The following SORT1 variants were observed in gnomAD, a reference collection of about 807,000 sequenced individuals.
SORT1 encodes the protein sortilin.
A neutral mutation model predicts 101.7 loss-of-function variants in SORT1; 39 were observed. The observed-to-expected ratio is 0.38, with a 90% CI of 0.30 to 0.50. The LOEUF (loss-of-function observed/expected upper bound fraction) is 0.50, where lower values mean the gene tolerates loss of function less well. SORT1 is among the 20% of genes least tolerant of loss of function. The pLI, the probability that SORT1 is intolerant of heterozygous loss-of-function variation, is 0.90. For missense variants in SORT1, 878 were observed against 1,040.4 expected (o/e 0.84, Z 2.15); for synonymous variants, 396 against 393.7 (o/e 1.01, Z -0.07).
At chr1:109,378,645 T>C (rs1486196671) in intron 1 of SORT1, among the ~76,000 whole-genome samples, 1 of 137,960 alleles carries the variant, frequency 7.2e-6, no homozygotes, top group Admixed American at 7.6e-5. Flanking sequence ...ATGAATCATA[T>C]AAAAACATCT....
chr1:109,334,008 T>C (rs1278914591), intron 11 of SORT1, among the ~76,000 whole-genome samples: 1 of 152,058 alleles, frequency 6.6e-6, no homozygotes, highest in Non-Finnish European at 1.5e-5. Context: ...TAGCCGGGCG[T>C]GGTGGCACAT....
At chr1:109,376,048 A>G (rs1401148337) in intron 1 of SORT1, among the ~76,000 whole-genome samples, 1 of 152,228 alleles carries the variant, frequency 6.6e-6, no homozygotes, top group Non-Finnish European at 1.5e-5. Flanking sequence ...GAGATTTCTC[A>G]AAGAACTTAA....
At chr1:109,368,469 C>CA (rs1238475954) in intron 2 of SORT1, 4 of 152,120 alleles carry the variant, frequency 2.6e-5, no homozygotes, top group African/African-American at 9.7e-5. Context: ...TGCTTTTCAG[C>CA]ACCAAGATTT....
At chr1:109,348,408 CAT>C (rs1277782637) in intron 6 of SORT1, among the ~76,000 whole-genome samples, 45 of 150,470 alleles carry the variant, frequency 3.0e-4, no homozygotes, top group African/African-American at 9.8e-4. Context: ...AAAAAAAAAA[CAT>C]GTTACAAAAG....
intron 17 of SORT1, 138 bp downstream of exon 17, chr1:109,316,712 C>T (rs1328909391): frequency 1.2e-5 from 7 of 585,276 alleles, no homozygotes; most frequent in Non-Finnish European, 2.1e-5. Context: ...CTAACAGCTT[C>T]CTGTATAAGG....
intron 19 of SORT1, 23 bp downstream of exon 19, chr1:109,314,238 C>T (rs1658902524): frequency 5.0e-6 from 8 of 1,607,094 alleles, no homozygotes; most frequent in Non-Finnish European, 6.8e-6. Context: ...GGGGTACTAC[C>T]ATTCAAGAAG....
chr1:109,370,458 TA>T (rs1264581805), intron 1 of SORT1, among the ~76,000 whole-genome samples: 3 of 151,732 alleles, frequency 2.0e-5, no homozygotes, highest in Admixed American at 6.6e-5. Context: ...TTGTAACTGA[TA>T]AAAAAAATAA....
chr1:109,323,690 A>G (rs1206613627), intron 14 of SORT1, among the ~76,000 whole-genome samples: 4 of 152,222 alleles, frequency 2.6e-5, no homozygotes, highest in Admixed American at 6.5e-5. Flanking sequence ...ATGTCGTATC[A>G]TCTACTGGAA....
intron 11 of SORT1, among the ~76,000 whole-genome samples, chr1:109,333,585 A>T (rs2101566275): frequency 6.6e-6 from 1 of 152,336 alleles, no homozygotes; most frequent in South Asian, 2.1e-4. Context: ...AAAAATGGGC[A>T]AAGGACCTGA....
intron 15 of SORT1, 50 bp downstream of exon 15, chr1:109,322,882 C>T (rs1359742078): frequency 1.4e-6 from 2 of 1,475,742 alleles, no homozygotes; most frequent in African/African-American, 1.4e-5. Flanking sequence ...CTGTCTTTCA[C>T]CTCCTCCAAC....
At chr1:109,376,284 T>TC (rs1290188030) in intron 1 of SORT1, among the ~76,000 whole-genome samples, 2 of 141,394 alleles carry the variant, frequency 1.4e-5, no homozygotes, top group Non-Finnish European at 3.0e-5. Flanking sequence ...TGAGCCGTGA[T>TC]CGCGCCACCG....
rs72646553 is a variant in SORT1, at chr1:109,397,881, G to A, written c.12C>T (p.Pro4=). The change falls in exon 1 of 20, where the codon CCC becomes CCT. Residue 4 remains proline, a synonymous_variant. Transcript: ENST00000256637. The part of the protein sequence containing the change: MER[P]WGAADGLSRW... ...GCGAGAGGCCGTCCGCAGCTCCCCA[G>A]GGCCGCTCCATCGCCGCCGAATGCC... 6.7e-6 allele frequency: 8 copies of A among 1,198,778 alleles called. No individual in the cohort carries two copies. Among genetic ancestry groups the A allele is most frequent in the Non-Finnish European group, 8.3e-6 (8 of 964,672 alleles). The allele number at this position is 1,198,778 out of a possible 1,614,324, so 74.3% of individuals were successfully genotyped here. A position where few individuals can be genotyped will look rare whatever the true frequency, so the allele number is the denominator to read the frequency against.
chr1:109,386,755 T>A (rs1208184477), intron 1 of SORT1, among the ~76,000 whole-genome samples: 2 of 152,198 alleles, frequency 1.3e-5, no homozygotes, highest in South Asian at 2.1e-4. Flanking sequence ...TCCATCAACA[T>A]TCTGGTCCGC....
rs1162488159 is a variant in SORT1 at position 109,312,031 on chromosome 1, T to A, written c.*2012A>T. On this transcript the variant is annotated 3_prime_UTR_variant, in exon 20 of 20. Coordinates refer to ENST00000256637, the MANE Select transcript of SORT1 (RefSeq NM_002959.7). ...ATATCATTAAAAGCGAAGAGCCCTA[T>A]CGTATATGGTTAGAGAAGAATATTG... The A allele has an allele frequency of 1.3e-5, 2 of 152,252 alleles. No individual in the cohort carries two copies. The highest frequency in any genetic ancestry group is 4.8e-5 in the African/African-American group (2 of 41,428). 9.4% of individuals were successfully genotyped at this position (152,252 alleles called of 1,614,324 possible).
chr1:109,324,234 T>C (rs1348660250), intron 14 of SORT1, among the ~76,000 whole-genome samples: 1 of 152,266 alleles, frequency 6.6e-6, no homozygotes, highest in East Asian at 1.9e-4. Flanking sequence ...GTTCAAATGA[T>C]TCTCCTGCCT....
intron 10 of SORT1, among the ~76,000 whole-genome samples, chr1:109,340,146 C>CAAA (rs34790280): frequency 2.0e-4 from 19 of 96,262 alleles, no homozygotes; most frequent in Non-Finnish European, 3.1e-4. Context: ...GATTCCATCT[C>CAAA]AAAAAAAAAA....
At chr1:109,384,546 C>T (rs1208435191) in intron 1 of SORT1, among the ~76,000 whole-genome samples, 3 of 152,206 alleles carry the variant, frequency 2.0e-5, no homozygotes, top group Non-Finnish European at 2.9e-5. Context: ...GATAGCCCCA[C>T]ATATCTCAAT....
intron 11 of SORT1, among the ~76,000 whole-genome samples, chr1:109,332,873 T>A (rs1648554600): frequency 6.6e-6 from 1 of 152,192 alleles, no homozygotes; most frequent in Non-Finnish European, 1.5e-5. Context: ...AGACAGCCTC[T>A]TAAATAAACG....
At chr1:109,382,736 T>C (rs558855244) in intron 1 of SORT1, among the ~76,000 whole-genome samples, 1 of 152,340 alleles carries the variant, frequency 6.6e-6, no homozygotes, top group South Asian at 2.1e-4. Flanking sequence ...CTGGCATTTA[T>C]AGTTGCCATC....
Sources: gnomAD v4.1 joint callset for allele counts (sites outside exome capture counted in the v4.1 genomes callset) on GRCh38, gnomAD v4.1.1 for gene constraint, MANE v1.5 for transcripts, NCBI Gene and HGNC (gene_info 2026-07-23, HGNC 2026-07-21) for gene names.